Variants in ATP8B1 observed in about 807,000 individuals in gnomAD.
The protein encoded by ATP8B1 is ATPase phospholipid transporting 8B1.
ATP8B1 carries 80 observed loss-of-function variants against 149.9 expected under a neutral mutation model. The ratio of observed to expected loss-of-function variants is 0.53; its 90% CI spans 0.45 to 0.64. ATP8B1 has a LOEUF of 0.64. Ranked by LOEUF, ATP8B1 falls within the 30% of genes least tolerant of loss-of-function variation. ATP8B1 has a pLI of 0.00. For missense variants in ATP8B1, 1,247 were observed against 1,552.6 expected, an observed-to-expected ratio of 0.80 and a Z score of 3.31; for synonymous variants, 536 against 562.8, an observed-to-expected ratio of 0.95 and a Z score of 0.67.
intron 1 of ATP8B1, chr18:57,737,138 A>C (rs1369175484): frequency 6.6e-6 from 1 of 152,024 alleles, no homozygotes; most frequent in Non-Finnish European, 1.5e-5. Context: ...TAGAAGAGAC[A>C]GGGTTTTGCC....
At chr18:57,759,292 C>T (rs2080122754) in intron 1 of ATP8B1, among the ~76,000 whole-genome samples, 1 of 151,698 alleles carries the variant, frequency 6.6e-6, no homozygotes, top group Admixed American at 6.6e-5. Flanking sequence ...CCTTTAAAGA[C>T]TCAACTTTAA....
intron 1 of ATP8B1, among the ~76,000 whole-genome samples, chr18:57,757,857 T>C (rs1165972844): frequency 6.6e-6 from 1 of 152,232 alleles, no homozygotes; most frequent in Non-Finnish European, 1.5e-5. Context: ...TCTCATAGAA[T>C]ACTGTGTTCG....
intron 22 of ATP8B1, chr18:57,659,729 G>A (rs984063595): frequency 6.6e-6 from 1 of 151,674 alleles, no homozygotes; most frequent in Non-Finnish European, 1.5e-5. Context: ...GATAAAGAAG[G>A]CAAGATGACA....
At chr18:57,759,802 G>C (rs903207153) in intron 1 of ATP8B1, among the ~76,000 whole-genome samples, 3 of 149,946 alleles carry the variant, frequency 2.0e-5, no homozygotes, top group African/African-American at 7.4e-5. Context: ...CTGGGAGACA[G>C]AGCGAGACTC....
chr18:57,754,253 C>T (rs969929476), intron 1 of ATP8B1, among the ~76,000 whole-genome samples: 145 of 152,038 alleles, frequency 9.5e-4, no homozygotes, highest in African/African-American at 3.1e-3. Flanking sequence ...GTCTGGTCAA[C>T]GTGGTAAAAC....
intron 12 of ATP8B1, among the ~76,000 whole-genome samples, chr18:57,691,051 C>G (rs1326595805): frequency 6.6e-6 from 1 of 151,806 alleles, no homozygotes; most frequent in Admixed American, 6.6e-5. Context: ...GATGGGCACC[C>G]GTGATCCCAG....
chr18:57,723,019 G>A (rs1415482955), intron 2 of ATP8B1, among the ~76,000 whole-genome samples: 51 of 150,800 alleles, frequency 3.4e-4, no homozygotes, highest in African/African-American at 1.1e-3. Flanking sequence ...CTCAATAGAT[G>A]CAGAAAAAGC....
chr18:57,668,387 A>G, intron 19 of ATP8B1, 42 bp downstream of exon 19: 5 of 1,507,998 alleles, frequency 3.3e-6, no homozygotes, highest in Non-Finnish European at 4.6e-6. Flanking sequence ...AGCTATAAAT[A>G]TTTGTGAATT....
At position 57,658,662 on chromosome 18, in the gene ATP8B1, TGTGTG is replaced by T. The variant is rs1350095043; in HGVS notation, c.2707+2507_2707+2511del. Among the ~76,000 whole-genome samples, 154 of 149,286 alleles carry T rather than the reference TGTGTG, an allele frequency of 1.0e-3. 1 individual carries two copies. In the East Asian group the frequency reaches 0.011, roughly 11 times the overall value. ...GTGTGTGTGTGTGTGTGTGTGTGTGTGTGTGTTCTTTTTTGTTGTTGGAGAAAGGG... is the reference window on the plus strand; with the variant it reads ...GTGTGTGTGTGTGTGTGTGTGTGTGTTTCTTTTTTGTTGTTGGAGAAAGGG... On this transcript the variant is annotated intron_variant, in intron 22 of 27. Coordinates refer to ENST00000648908, the MANE Select transcript of ATP8B1 (RefSeq NM_001374385.1).
chr18:57,797,711 T>C (rs937322750), intron 1 of ATP8B1, among the ~76,000 whole-genome samples: 1 of 140,324 alleles, frequency 7.1e-6, no homozygotes, highest in Admixed American at 7.1e-5. Flanking sequence ...TTCTTTTTTT[T>C]TTTTTTTTTT....
At chr18:57,726,041 A>T (rs1285365790) in intron 2 of ATP8B1, among the ~76,000 whole-genome samples, 2 of 152,198 alleles carry the variant, frequency 1.3e-5, no homozygotes, top group Non-Finnish European at 2.9e-5. Flanking sequence ...CATCCTGGCC[A>T]ACATGGTGAA....
chr18:57,688,892 C>T (rs980826544), intron 12 of ATP8B1, among the ~76,000 whole-genome samples: 1 of 152,296 alleles, frequency 6.6e-6, no homozygotes, highest in Non-Finnish European at 1.5e-5. Flanking sequence ...GACTTCCCAG[C>T]CTCCAGAACT....
intron 1 of ATP8B1, among the ~76,000 whole-genome samples, chr18:57,746,802 C>G (rs1321670456): frequency 2.6e-5 from 4 of 152,056 alleles, no homozygotes; most frequent in African/African-American, 9.7e-5. Context: ...TAATATCATT[C>G]TGTCTCTTTG....
chr18:57,710,709 AC>A (rs772906099), intron 2 of ATP8B1, among the ~76,000 whole-genome samples: 9 of 152,344 alleles, frequency 5.9e-5, no homozygotes, highest in Non-Finnish European at 1.3e-4. Context: ...ATCTCAGCTC[AC>A]TGCAACTTCC....
intron 2 of ATP8B1, among the ~76,000 whole-genome samples, chr18:57,717,822 G>A (rs1233541427): frequency 7.3e-5 from 11 of 150,102 alleles, no homozygotes; most frequent in South Asian, 2.2e-4. Context: ...TGCAACCTCC[G>A]CCTCCCAGGT....
At chr18:57,740,154 G>T (rs976527598) in intron 1 of ATP8B1, among the ~76,000 whole-genome samples, 1 of 151,924 alleles carries the variant, frequency 6.6e-6, no homozygotes, top group African/African-American at 2.4e-5. Flanking sequence ...TCAATGGCGC[G>T]ATCTCAGCTC....
At chr18:57,672,929 TATA>T (rs1323911880) in intron 16 of ATP8B1, among the ~76,000 whole-genome samples, 6 of 20,948 alleles carry the variant, frequency 2.9e-4, no homozygotes, top group African/African-American at 1.3e-3. Flanking sequence ...TATATATATA[TATA>T]ACATGTATAT....
chr18:57,757,082 T>G (rs1426187119), intron 1 of ATP8B1, among the ~76,000 whole-genome samples: 2 of 152,222 alleles, frequency 1.3e-5, no homozygotes, highest in African/African-American at 4.8e-5. Flanking sequence ...AGCCTGAGCA[T>G]GCCGCTGTAA....
At chr18:57,713,856 G>T (rs75619202) in intron 2 of ATP8B1, among the ~76,000 whole-genome samples, 1 of 147,290 alleles carries the variant, frequency 6.8e-6, no homozygotes, top group Admixed American at 6.9e-5. Context: ...CTAACTCCTG[G>T]CCTCAAGTGA....
Sources: gnomAD v4.1 joint callset for allele counts (sites outside exome capture counted in the v4.1 genomes callset) on GRCh38, gnomAD v4.1.1 for gene constraint, MANE v1.5 for transcripts, NCBI Gene and HGNC (gene_info 2026-07-23, HGNC 2026-07-21) for gene names.